The following PRDM8 variants were observed in gnomAD, a reference collection of about 807,000 sequenced individuals.
PRDM8 encodes the protein PR/SET domain 8, also known as PR domain zinc finger protein 8.
PRDM8 carries 13 observed loss-of-function variants against 46.5 expected under a neutral mutation model. The ratio of observed to expected loss-of-function variants is 0.28; its 90% CI spans 0.18 to 0.44. The LOEUF (loss-of-function observed/expected upper bound fraction) is 0.44. PRDM8 is among the 20% of genes least tolerant of loss of function. PRDM8 has a pLI of 1.00. For synonymous variants in PRDM8, 473 were observed against 438.4 expected, an observed-to-expected ratio of 1.08 and a Z score of -0.98; for missense variants, 998 against 955.0, an observed-to-expected ratio of 1.04 and a Z score of -0.59.
rs949589353 is a variant in PRDM8 at position 80,203,674 on chromosome 4, C to T, written c.*142C>T. The stretch of plus-strand genomic sequence containing the variant: ...ATACATTCACCGCCCCCCCGCCCCC[C>T]CAACGCGCACACACACGTCCTCTCC... On this transcript the variant is annotated 3_prime_UTR_variant, in exon 4 of 4. Coordinates refer to ENST00000415738, the MANE Select transcript of PRDM8 (RefSeq NM_001099403.2). 4.3e-6 allele frequency: 6 copies of T among 1,391,126 alleles called. No individual in the cohort carries two copies. The highest frequency in any genetic ancestry group is 9.4e-7 in the Non-Finnish European group (1 of 1,069,054). 86.2% of individuals were successfully genotyped at this position (1,391,126 alleles called of 1,614,324 possible). A position where few individuals can be genotyped will look rare whatever the true frequency, so the allele number is the denominator to read the frequency against.
chr4:80,198,190 A>AGGCTC (rs1312025971), intron 1 of PRDM8, among the ~76,000 whole-genome samples: 2 of 152,238 alleles, frequency 1.3e-5, no homozygotes, highest in African/African-American at 2.4e-5. Context: ...GATGGGCTTG[A>AGGCTC]GGCTCGTGGC....
intron 1 of PRDM8, among the ~76,000 whole-genome samples, chr4:80,186,081 A>T (rs1470090652): frequency 1.3e-5 from 2 of 152,322 alleles, no homozygotes; most frequent in Admixed American, 6.5e-5. Context: ...CCCGGTGGCC[A>T]CAAGGGAAAA....
chr4:80,186,795 C>T (rs1015452694), intron 1 of PRDM8, among the ~76,000 whole-genome samples: 3 of 152,190 alleles, frequency 2.0e-5, no homozygotes, highest in African/African-American at 7.2e-5. Flanking sequence ...CAATATAATG[C>T]GGCCTTTCTT....
chr4:80,196,500 A>C (rs1053130603), upstream of PRDM8: 7 of 985,316 alleles, frequency 7.1e-6, no homozygotes, highest in Non-Finnish European at 8.4e-6. Flanking sequence ...CAGCGCCTCT[A>C]AGTGGCTTAG....
At chr4:80,190,750 C>G (rs1737479338) in intron 1 of PRDM8, among the ~76,000 whole-genome samples, 1 of 152,166 alleles carries the variant, frequency 6.6e-6, no homozygotes, top group Non-Finnish European at 1.5e-5. Context: ...GTCTTGCTTC[C>G]CAAACTTAGG....
chr4:80,194,132 G>C, upstream of PRDM8: 1 of 814,320 alleles, frequency 1.2e-6, no homozygotes, highest in Non-Finnish European at 1.5e-6. Context: ...GCCACCTGGG[G>C]TGTCATTTAT....
intron 1 of PRDM8, among the ~76,000 whole-genome samples, chr4:80,198,374 G>T (rs1738131762): frequency 6.6e-6 from 1 of 152,214 alleles, no homozygotes; most frequent in African/African-American, 2.4e-5. Context: ...AAGGAAGAGA[G>T]AAATTGGGGA....
At chr4:80,187,940 T>C (rs1369889442) in intron 1 of PRDM8, among the ~76,000 whole-genome samples, 1 of 152,232 alleles carries the variant, frequency 6.6e-6, no homozygotes, top group Non-Finnish European at 1.5e-5. Flanking sequence ...GAAATGTCAT[T>C]TTCTGTTCAA....
chr4:80,192,903 C>T (rs1290058964), upstream of PRDM8, among the ~76,000 whole-genome samples: 1 of 152,176 alleles, frequency 6.6e-6, no homozygotes, highest in Non-Finnish European at 1.5e-5. Flanking sequence ...AACCCAGATC[C>T]AGGAGAGGAA....
At chr4:80,201,208 T>C in intron 2 of PRDM8, 82 bp from the exon 3 acceptor site, 1 of 1,299,642 alleles carries the variant, frequency 7.7e-7, no homozygotes, top group Non-Finnish European at 1.1e-6. Context: ...AGAAATGGTC[T>C]TGATTCTTCT....
In PRDM8 at chr4:80,203,675, CA is replaced by C; in HGVS notation, c.*145del. 7.2e-7 allele frequency: 1 copy of C among 1,389,476 alleles called. No homozygotes were observed. The highest frequency in any genetic ancestry group is 9.4e-7 in the Non-Finnish European group (1 of 1,067,036). The allele number at this position is 1,389,476 out of a possible 1,614,324, so 86.1% of individuals were successfully genotyped here. On this transcript the variant is annotated 3_prime_UTR_variant, in exon 4 of 4. Transcript: ENST00000415738. ...TACATTCACCGCCCCCCCGCCCCCC[CA>C]ACGCGCACACACACGTCCTCTCCTC...
At position 80,197,558 on chromosome 4, in the gene PRDM8, TC is replaced by T; in HGVS notation, c.-205del. The T allele has an allele frequency of 1.4e-6, 1 of 720,578 alleles. No homozygotes were observed. The highest frequency in any genetic ancestry group is 1.7e-6 in the Non-Finnish European group (1 of 592,666). 44.6% of individuals were successfully genotyped at this position (720,578 alleles called of 1,614,324 possible). On this transcript the variant is annotated 5_prime_UTR_variant, in exon 1 of 4. Coordinates refer to ENST00000415738, the MANE Select transcript of PRDM8 (RefSeq NM_001099403.2). Reference sequence around the variant, plus strand: ...CTCTCCGTTTCTCCGTCTCTCTCCCTCCCTCCCTCCCTCCACCCCCCCAATC... The same window carrying T: ...CTCTCCGTTTCTCCGTCTCTCTCCCTCCTCCCTCCCTCCACCCCCCCAATC...
Position 80,202,847 on chromosome 4 carries a change from C to G in PRDM8, c.1385C>G (p.Ser462Trp). ...CCTGCGAGGGGCAGCGCCTTCACTT[C>G]GGTGCCGCAGCTGGGCAGCGCGGGC... ...GSPARGSAFTSVPQLGSAGST... is the reference protein window; with the variant it reads ...GSPARGSAFTWVPQLGSAGST... The change falls in exon 4 of 4, where the codon TCG becomes TGG. Residue 462 changes from serine (S) to tryptophan (W), a missense_variant. Coordinates refer to ENST00000415738, the MANE Select transcript of PRDM8 (RefSeq NM_001099403.2). The G allele has an allele frequency of 8.1e-7, 1 of 1,232,026 alleles. No homozygotes were observed. Among genetic ancestry groups the G allele is most frequent in the Non-Finnish European group, 1.0e-6 (1 of 992,160 alleles). The allele number at this position is 1,232,026 out of a possible 1,614,324, so 76.3% of individuals were successfully genotyped here.
rs1362981965 is a variant in PRDM8 at position 80,202,960 on chromosome 4, G to C, written c.1498G>C (p.Ala500Pro). The change falls in exon 4 of 4, where the codon GCC (alanine) becomes CCC (proline). Residue 500 changes from alanine to proline, a missense_variant. By Grantham distance (27) the Ala-to-Pro change is conservative. Coordinates refer to ENST00000415738, the MANE Select transcript of PRDM8 (RefSeq NM_001099403.2). ...QGAASDERKS[A>P]FSQPARSFSQ... The stretch of plus-strand genomic sequence containing the variant: ...CGCCGCGTCGGACGAGCGCAAAAGC[G>C]CCTTCTCGCAGCCAGCACGCTCTTT... 6.7e-7 allele frequency: 1 copy of C among 1,487,340 alleles called. No homozygotes were observed. Among genetic ancestry groups the C allele is most frequent in the Non-Finnish European group, 8.9e-7 (1 of 1,127,086 alleles). 92.1% of individuals were successfully genotyped at this position (1,487,340 alleles called of 1,614,324 possible).
upstream of PRDM8, among the ~76,000 whole-genome samples, chr4:80,193,475 C>T (rs1737705179): frequency 6.6e-6 from 1 of 152,154 alleles, no homozygotes; most frequent in Non-Finnish European, 1.5e-5. Context: ...TTGATAAAGG[C>T]AAAGTGGTAG....
chr4:80,200,111 T>C lies in PRDM8; in HGVS notation c.31T>C (p.Trp11Arg). 2 of 1,614,082 alleles carry C rather than the reference T, an allele frequency of 1.2e-6. No homozygotes were observed. Among genetic ancestry groups the C allele is most frequent in the South Asian group, 2.2e-5 (2 of 91,080 alleles). Residue 11 changes from tryptophan to arginine, a missense_variant, in exon 2 of 4, where the codon TGG becomes CGG. Trp to Arg is a moderately radical substitution (Grantham distance 101, BLOSUM62 -3). Coordinates refer to ENST00000415738, the MANE Select transcript of PRDM8 (RefSeq NM_001099403.2). ...GGATACTGGCATCCAGCGAGGCATCTGGGATGGAGATGCCAAGGCTGTCCA... is the reference window on the plus strand; with the variant it reads ...GGATACTGGCATCCAGCGAGGCATCCGGGATGGAGATGCCAAGGCTGTCCA... MEDTGIQRGIWDGDAKAVQQC... is the reference protein window; with the variant it reads MEDTGIQRGIRDGDAKAVQQC...
Position 80,201,561 on chromosome 4 carries a change from C to CG in PRDM8, c.451+45dup, listed in dbSNP as rs550612577. The CG allele has an allele frequency of 1.1e-4, 181 of 1,584,052 alleles. 1 individual carries two copies. The African/African-American group carries it at 2.3e-3, about 20-fold the overall frequency. ...GACCGGCGTGTGGGCCCTTAACTAG[C>CG]GGGGGAGAGACGCAGGGAGCGGCAG... is the stretch of plus-strand genomic sequence containing the variant. On this transcript the variant is annotated intron_variant, in intron 3 of 3. Coordinates refer to ENST00000415738, the MANE Select transcript of PRDM8 (RefSeq NM_001099403.2).
intron 2 of PRDM8, among the ~76,000 whole-genome samples, chr4:80,200,867 C>A (rs1186291661): frequency 6.6e-6 from 1 of 152,166 alleles, no homozygotes; most frequent in Non-Finnish European, 1.5e-5. Flanking sequence ...ATTGTTCTAG[C>A]CAAGATTAGG....
intron 2 of PRDM8, chr4:80,191,652 C>A (rs888050424): frequency 2.0e-5 from 3 of 152,174 alleles, no homozygotes; most frequent in African/African-American, 7.2e-5. Flanking sequence ...AGGAGACCAC[C>A]TTTCCAAGTA....
Sources: allele counts gnomAD v4.1 joint callset (sites outside exome capture counted in the v4.1 genomes callset), GRCh38; gene constraint gnomAD v4.1.1; transcripts MANE v1.5; gene names NCBI Gene and HGNC (gene_info 2026-07-23, HGNC 2026-07-21).